The following CRAMP1 variants were observed in gnomAD, a reference collection of about 807,000 sequenced individuals.
CRAMP1 encodes the protein cramped chromatin regulator 1.
CRAMP1 carries 50 observed loss-of-function variants against 115.4 expected under a neutral mutation model. The observed-to-expected ratio is 0.43, with a 90% CI of 0.35 to 0.55. The LOEUF (loss-of-function observed/expected upper bound fraction) is 0.55, where lower values mean the gene tolerates loss of function less well. Among genes scored for constraint, CRAMP1 ranks in the 20% least tolerant of loss-of-function variants. The probability of loss-of-function intolerance (pLI) is 0.01; values close to 1 mark genes in which losing one functional copy is unlikely to be tolerated. For missense variants in CRAMP1, 1,679 were observed against 1,721.7 expected (o/e 0.98, Z 0.44); for synonymous variants, 866 against 745.4 (o/e 1.16, Z -2.64).
chr16:1,669,193 C>T lies in CRAMP1; in HGVS notation c.3499+28C>T, dbSNP rs771043382. Reference sequence around the variant, plus strand: ...GAGTGTATGGGGAGGGCTCCCATCTCCTTTTCCAGGGCAGCAGGGGCTGGG... The same window carrying T: ...GAGTGTATGGGGAGGGCTCCCATCTTCTTTTCCAGGGCAGCAGGGGCTGGG... On this transcript the variant is annotated intron_variant, in intron 19 of 20. Coordinates refer to ENST00000397412, the MANE Select transcript of CRAMP1 (RefSeq NM_020825.4). This position sits in a 1 kb window ranked among gnomAD's most constrained non-coding sequence, Gnocchi z 4.6. The T allele has an allele frequency of 7.2e-6, 11 of 1,530,422 alleles. No homozygotes were observed. The highest frequency in any genetic ancestry group is 4.4e-5 in the Admixed American group (2 of 45,610). 94.8% of individuals were successfully genotyped at this position (1,530,422 alleles called of 1,614,324 possible). A position where few individuals can be genotyped will look rare whatever the true frequency, so the allele number is the denominator to read the frequency against.
chr16:1,623,778 CCAT>C (rs2036485553), intron 2 of CRAMP1, among the ~76,000 whole-genome samples: 1 of 152,226 alleles, frequency 6.6e-6, no homozygotes, highest in Non-Finnish European at 1.5e-5. Context: ...CTGTACCTGT[CCAT>C]CATCTGCGGA....
chr16:1,637,717 A>G, intron 4 of CRAMP1, 107 bp from the exon 5 acceptor site: 1 of 482,480 alleles, frequency 2.1e-6, no homozygotes, highest in Non-Finnish European at 3.7e-6. Flanking sequence ...ACAAAGGTAC[A>G]GGGAGGAGAT....
rs569003392 is a variant in CRAMP1 at position 1,672,070 on chromosome 16, G to A, written c.3645+1261G>A. Among the ~76,000 whole-genome samples, 6 of 152,260 alleles carry A rather than the reference G, an allele frequency of 3.9e-5. No homozygotes were observed. The highest frequency in any genetic ancestry group is 1.4e-4 in the African/African-American group (6 of 41,548). ...CTAAGTGCTGGGCTCTGTGGAGATG[G>A]GCGCTGCGTACGTGCCCTGAGGCAG... On this transcript the variant is annotated intron_variant, in intron 20 of 20. Coordinates refer to ENST00000397412, the MANE Select transcript of CRAMP1 (RefSeq NM_020825.4). This position sits in a 1 kb window ranked among gnomAD's most constrained non-coding sequence, Gnocchi z 4.9.
At chr16:1,655,847 C>T in intron 9 of CRAMP1, 30 bp from the exon 10 acceptor site, 7 of 1,585,178 alleles carry the variant, frequency 4.4e-6, no homozygotes, top group Non-Finnish European at 5.2e-6. Context: ...CAGTGCTAGC[C>T]AGTGTGGGCC....
At chr16:1,615,601 TGTA>T (rs1162978515) in intron 2 of CRAMP1, among the ~76,000 whole-genome samples, 2 of 152,114 alleles carry the variant, frequency 1.3e-5, no homozygotes, top group Non-Finnish European at 2.9e-5. Context: ...AGCAGCAGCT[TGTA>T]GTGTTCGCCC....
chr16:1,662,790 C>G lies in CRAMP1; in HGVS notation c.2625C>G (p.Pro875=). The change falls in exon 13 of 21, where the codon CCC becomes CCG. Residue 875 remains proline (P), a synonymous_variant. Coordinates refer to ENST00000397412, the MANE Select transcript of CRAMP1 (RefSeq NM_020825.4). ...SMQSDFFLPK[P]RKLRNRHLRK... ...AGTCGGATTTCTTCCTGCCAAAGCC[C>G]CGGAAGCTGCGGAACCGGCACCTGC... is the stretch of plus-strand genomic sequence containing the variant. 6.2e-7 allele frequency: 1 copy of G among 1,613,956 alleles called. No homozygotes were observed. Among genetic ancestry groups the G allele is most frequent in the South Asian group, 1.1e-5 (1 of 91,088 alleles).
chr16:1,665,182 C>A, intron 14 of CRAMP1, 44 bp downstream of exon 14: 1 of 1,230,118 alleles, frequency 8.1e-7, no homozygotes, highest in Non-Finnish European at 1.2e-6. Context: ...CCCTCCTCCT[C>A]ACAGGAGGGC....
intron 18 of CRAMP1, 64 bp downstream of exon 18, chr16:1,668,257 T>C: frequency 8.4e-7 from 1 of 1,183,568 alleles, no homozygotes; most frequent in Non-Finnish European, 1.3e-6. Context: ...CCCCAATGTT[T>C]GCCACACTTC....
In CRAMP1 at chr16:1,659,103, T is replaced by A. The variant is rs918740311; in HGVS notation, c.2236-783T>A. On this transcript the variant is annotated intron_variant, in intron 10 of 20. Transcript: ENST00000397412. ...TGGGCTTCATCCCTGCAGAGTGCTC[T>A]TCAGCTGTGCTTGTGTCTGATTCTA... Among the ~76,000 whole-genome samples, 7 of 152,318 alleles carry A rather than the reference T, an allele frequency of 4.6e-5. No individual in the cohort carries two copies. In the East Asian group the frequency reaches 7.7e-4, roughly 17 times the overall value.
chr16:1,619,516 AAC>A (rs1194691391), intron 2 of CRAMP1, among the ~76,000 whole-genome samples: 2 of 152,192 alleles, frequency 1.3e-5, no homozygotes, highest in Non-Finnish European at 2.9e-5. Flanking sequence ...CCACGTTAGA[AAC>A]ACTGAAAAAA....
intron 4 of CRAMP1, among the ~76,000 whole-genome samples, chr16:1,633,449 C>T (rs1161569206): frequency 3.3e-5 from 5 of 152,234 alleles, no homozygotes; most frequent in African/African-American, 7.2e-5. Flanking sequence ...CCCCTTGATT[C>T]GGGTCTGCCG....
chr16:1,628,481 T>C (rs1362261719), intron 3 of CRAMP1, among the ~76,000 whole-genome samples: 1 of 152,238 alleles, frequency 6.6e-6, no homozygotes, highest in Admixed American at 6.5e-5. Context: ...CTTGAACTCC[T>C]GACCTCGGGT....
intron 19 of CRAMP1, among the ~76,000 whole-genome samples, chr16:1,670,272 T>G (rs1239992688): frequency 2.1e-5 from 3 of 142,448 alleles, no homozygotes; most frequent in Admixed American, 7.5e-5. Flanking sequence ...TAAAAAAAAT[T>G]AAAAGCAAAG....
intron 13 of CRAMP1, among the ~76,000 whole-genome samples, chr16:1,664,492 G>C (rs1174600354): frequency 6.6e-6 from 1 of 152,134 alleles, no homozygotes; most frequent in East Asian, 1.9e-4. Context: ...ATTAAAAGTG[G>C]ATCAGGCCAG....
chr16:1,658,126 G>T (rs566139866), intron 10 of CRAMP1, among the ~76,000 whole-genome samples: 3 of 152,158 alleles, frequency 2.0e-5, no homozygotes, highest in African/African-American at 7.2e-5. Flanking sequence ...GGCTTGCCCC[G>T]GAGAGTTGGT....
chr16:1,649,785 ATTTTTTTTT>A (rs35942594), intron 6 of CRAMP1, among the ~76,000 whole-genome samples: 7 of 65,738 alleles, frequency 1.1e-4, no homozygotes, highest in Admixed American at 2.1e-4. Context: ...ATGAGCCACT[ATTTTTTTTT>A]TTTTTTTTTT....
At position 1,669,410 on chromosome 16, in the gene CRAMP1, A is replaced by C. The variant is rs2142209189; in HGVS notation, c.3499+245A>C. ...TGTATAGCCTGGTAACCCACAAGCCAATGGAGACCTAGAACATTCCCGTGA... is the reference window on the plus strand; with the variant it reads ...TGTATAGCCTGGTAACCCACAAGCCCATGGAGACCTAGAACATTCCCGTGA... On this transcript the variant is annotated intron_variant, in intron 19 of 20. Coordinates refer to ENST00000397412, the MANE Select transcript of CRAMP1 (RefSeq NM_020825.4). The surrounding 1 kb of genome is among the most constrained non-coding windows in gnomAD (Gnocchi z 4.6). 6.6e-6 allele frequency among the ~76,000 whole-genome samples: 1 copy of C among 152,298 alleles called. No individual in the cohort carries two copies. The highest frequency in any genetic ancestry group is 2.1e-4 in the South Asian group (1 of 4,826).
intron 11 of CRAMP1, 64 bp downstream of exon 11, chr16:1,660,127 G>A: frequency 7.3e-7 from 1 of 1,376,418 alleles, no homozygotes; most frequent in Admixed American, 2.9e-5. Context: ...AGGCTTCAGG[G>A]GCCGTGCCGA....
At chr16:1,643,722 C>T (rs1004372327) in intron 6 of CRAMP1, among the ~76,000 whole-genome samples, 5 of 152,198 alleles carry the variant, frequency 3.3e-5, no homozygotes, top group African/African-American at 4.8e-5. Context: ...TTATGCAGCA[C>T]GCTTGGTGCC....
Sources: gnomAD v4.1 joint callset for allele counts (sites outside exome capture counted in the v4.1 genomes callset) on GRCh38, gnomAD v4.1.1 for gene constraint, Gnocchi (gnomAD v3.1) non-coding constraint, MANE v1.5 for transcripts, NCBI Gene and HGNC (gene_info 2026-07-23, HGNC 2026-07-21) for gene names.